Variants in GPHN observed in about 807,000 individuals in gnomAD.
The protein encoded by GPHN is gephyrin.
Under a neutral mutation model 95.5 loss-of-function variants are expected in GPHN, and 17 were observed. The observed-to-expected ratio is 0.18, with a 90% CI of 0.12 to 0.27. GPHN has a LOEUF of 0.27. Among genes scored for constraint, GPHN ranks in the 10% least tolerant of loss-of-function variants. The probability of loss-of-function intolerance (pLI) is 1.00; values close to 1 mark genes in which losing one functional copy is unlikely to be tolerated. For synonymous variants in GPHN, 320 were observed against 322.5 expected, an observed-to-expected ratio of 0.99 and a Z score of 0.08; for missense variants, 660 against 978.1, an observed-to-expected ratio of 0.67 and a Z score of 4.34.
At chr14:67,319,992 A>G in the GPHN span, among the ~76,000 whole-genome samples, 1 of 152,234 alleles carries the variant, frequency 6.6e-6, no homozygotes, top group African/African-American at 2.4e-5. Context: ...AAGAATCAGT[A>G]TAATTATATT....
At chr14:67,344,183 G>A in the GPHN span, among the ~76,000 whole-genome samples, 1 of 152,198 alleles carries the variant, frequency 6.6e-6, no homozygotes, top group African/African-American at 2.4e-5. Flanking sequence ...CAATGATTGT[G>A]ACCTCTGTAT....
chr14:66,749,941 G>A (rs1033360411), intron 2 of GPHN, among the ~76,000 whole-genome samples: 1 of 151,454 alleles, frequency 6.6e-6, no homozygotes, highest in Non-Finnish European at 1.5e-5. Flanking sequence ...GTCACATCAG[G>A]GTAAATGGAG....
intron 3 of GPHN, among the ~76,000 whole-genome samples, chr14:66,811,357 G>A (rs946971260): frequency 1.3e-5 from 2 of 152,096 alleles, no homozygotes; most frequent in African/African-American, 2.4e-5. Flanking sequence ...TCATGTGTGT[G>A]TATTTTTTTA....
chr14:67,384,781 TGA>T, the GPHN span: 1 of 152,192 alleles, frequency 6.6e-6, no homozygotes, highest in African/African-American at 2.4e-5. Flanking sequence ...GGCTGGTTTC[TGA>T]GAGAGTGCCA....
At chr14:67,220,841 T>C in the GPHN span, among the ~76,000 whole-genome samples, 1 of 152,256 alleles carries the variant, frequency 6.6e-6, no homozygotes, top group African/African-American at 2.4e-5. Flanking sequence ...GATTTTAACA[T>C]TTACTTTCTG....
At chr14:67,395,342 C>G in the GPHN span, 1 of 1,521,336 alleles carries the variant, frequency 6.6e-7, no homozygotes, top group East Asian at 2.3e-5. Context: ...GGCAGGGTCC[C>G]CTGCCCACCC....
At chr14:66,603,232 AAC>A (rs1417425827) in intron 1 of GPHN, among the ~76,000 whole-genome samples, 4 of 151,940 alleles carry the variant, frequency 2.6e-5, no homozygotes, top group African/African-American at 9.7e-5. Flanking sequence ...GAAATACAGA[AAC>A]ACACAAGAAG....
At chr14:66,885,718 T>C (rs1567059933) in intron 5 of GPHN, among the ~76,000 whole-genome samples, 1 of 151,862 alleles carries the variant, frequency 6.6e-6, no homozygotes, top group Non-Finnish European at 1.5e-5. Context: ...CAGCTACATA[T>C]ATGGGGGAAT....
intron 4 of GPHN, among the ~76,000 whole-genome samples, chr14:66,869,217 T>G (rs1001426458): frequency 6.6e-6 from 1 of 152,222 alleles, no homozygotes; most frequent in African/African-American, 2.4e-5. Context: ...ATGAACAGTC[T>G]GTTAATAATG....
At chr14:67,397,803 C>T in the GPHN span, 1 of 1,612,192 alleles carries the variant, frequency 6.2e-7, no homozygotes, top group South Asian at 1.1e-5. Context: ...ACCATCGCGC[C>T]TTCCAGTTGT....
At chr14:66,828,391 A>G (rs1242689021) in intron 4 of GPHN, among the ~76,000 whole-genome samples, 2 of 152,132 alleles carry the variant, frequency 1.3e-5, no homozygotes, top group African/African-American at 4.8e-5. Flanking sequence ...GCTGAATTAT[A>G]TACTGATTTG....
At chr14:67,108,993 C>T (rs1187528397) in intron 13 of GPHN, among the ~76,000 whole-genome samples, 1 of 152,064 alleles carries the variant, frequency 6.6e-6, no homozygotes, top group Non-Finnish European at 1.5e-5. Context: ...ATAGAGTGTA[C>T]TTACACAAAC....
At chr14:67,438,569 G>A in the GPHN span, among the ~76,000 whole-genome samples, 2 of 152,226 alleles carry the variant, frequency 1.3e-5, no homozygotes, top group South Asian at 2.1e-4. Context: ...TGAGTATAAA[G>A]CAAGATTATG....
the GPHN span, among the ~76,000 whole-genome samples, chr14:67,523,604 T>C: frequency 2.0e-5 from 3 of 152,248 alleles, no homozygotes; most frequent in Non-Finnish European, 1.5e-5. Context: ...TGTGCGATTA[T>C]TTGTGTTCTA....
At chr14:67,319,285 A>G in the GPHN span, among the ~76,000 whole-genome samples, 9 of 152,078 alleles carry the variant, frequency 5.9e-5, no homozygotes, top group African/African-American at 1.7e-4. Context: ...GAGAAGTAAT[A>G]TGAGTGAGGA....
chr14:67,604,818 G>A, the GPHN span, among the ~76,000 whole-genome samples: 1 of 151,954 alleles, frequency 6.6e-6, no homozygotes, highest in African/African-American at 2.4e-5. Flanking sequence ...ATTTTTGTTT[G>A]TAGAGGTTAA....
chr14:67,574,096 G>A, the GPHN span: 2 of 724,618 alleles, frequency 2.8e-6, no homozygotes, highest in East Asian at 2.7e-5. This position sits in a 1 kb window ranked among gnomAD's most constrained non-coding sequence, Gnocchi z 4.2. Flanking sequence ...GGGAGGAAAA[G>A]ATGAGGAGGA....
intron 4 of GPHN, among the ~76,000 whole-genome samples, chr14:66,839,884 T>C (rs925371880): frequency 2.6e-5 from 4 of 152,178 alleles, no homozygotes; most frequent in Admixed American, 2.0e-4. Flanking sequence ...GTATTGTACT[T>C]TGTCCTTCGA....
At chr14:66,985,045 C>T (rs1489687712) in intron 9 of GPHN, among the ~76,000 whole-genome samples, 1 of 151,856 alleles carries the variant, frequency 6.6e-6, no homozygotes, top group African/African-American at 2.4e-5. Flanking sequence ...GCAAATTTTC[C>T]AAGAGGAAAA....
Sources: gnomAD v4.1 joint callset for allele counts (sites outside exome capture counted in the v4.1 genomes callset) on GRCh38, gnomAD v4.1.1 for gene constraint, Gnocchi (gnomAD v3.1) non-coding constraint, MANE v1.5 for transcripts, NCBI Gene and HGNC (gene_info 2026-07-23, HGNC 2026-07-21) for gene names.